Variants in CDK14 observed in about 807,000 individuals in gnomAD.
The protein encoded by CDK14 is cyclin-dependent kinase 14.
In CDK14, 34 loss-of-function variants were observed where a neutral mutation model predicts 60.7. The observed-to-expected ratio is 0.56, with a 90% CI of 0.43 to 0.75. The LOEUF is 0.75. CDK14 is among the 30% of genes least tolerant of loss of function. The probability of loss-of-function intolerance (pLI) is 0.00; values close to 1 mark genes in which losing one functional copy is unlikely to be tolerated. For missense variants in CDK14, 482 were observed against 564.1 expected (o/e 0.85, Z 1.47); for synonymous variants, 197 against 203.7 (o/e 0.97, Z 0.28).
At chr7:90,761,218 C>G (rs1804298846) in intron 4 of CDK14, among the ~76,000 whole-genome samples, 1 of 152,098 alleles carries the variant, frequency 6.6e-6, no homozygotes, top group African/African-American at 2.4e-5. Context: ...TTATCAGGTT[C>G]TTTGATCATT....
chr7:90,907,028 A>G (rs758608614), intron 7 of CDK14, among the ~76,000 whole-genome samples: 3 of 152,102 alleles, frequency 2.0e-5, no homozygotes, highest in Non-Finnish European at 2.9e-5. Flanking sequence ...GTTTATTTCT[A>G]GCATAATATC....
chr7:90,712,028 T>C (rs1309128676), intron 2 of CDK14, among the ~76,000 whole-genome samples: 1 of 151,900 alleles, frequency 6.6e-6, no homozygotes, highest in African/African-American at 2.4e-5. Flanking sequence ...GCAGCTACAG[T>C]CTACTTTTAA....
chr7:91,141,799 TTTGTTGTTGTTG>T (rs10654091), intron 14 of CDK14, among the ~76,000 whole-genome samples: 2 of 149,974 alleles, frequency 1.3e-5, no homozygotes, highest in African/African-American at 2.5e-5. Context: ...AACAGTGGGT[TTTGTTGTTGTTG>T]TTGTTGTTGT....
At chr7:90,886,091 A>G (rs1006452061) in intron 6 of CDK14, among the ~76,000 whole-genome samples, 1 of 152,208 alleles carries the variant, frequency 6.6e-6, no homozygotes, top group Non-Finnish European at 1.5e-5. Context: ...AATTCCATCA[A>G]TGATTATTTT....
chr7:90,888,745 G>T (rs1792028705), intron 6 of CDK14, among the ~76,000 whole-genome samples: 1 of 152,040 alleles, frequency 6.6e-6, no homozygotes, highest in South Asian at 2.1e-4. Flanking sequence ...GGCCCACTTT[G>T]TCAGCCTGTT....
At chr7:90,791,034 T>G (rs1300750247) in intron 5 of CDK14, among the ~76,000 whole-genome samples, 2 of 152,240 alleles carry the variant, frequency 1.3e-5, no homozygotes, top group African/African-American at 4.8e-5. Context: ...GCCATCTTAC[T>G]AGGCATTTGA....
intron 11 of CDK14, among the ~76,000 whole-genome samples, chr7:91,059,406 C>G (rs978510403): frequency 3.3e-5 from 5 of 152,254 alleles, no homozygotes; most frequent in South Asian, 2.1e-4. Flanking sequence ...CTATTTCCTT[C>G]AGTTCTGCTC....
chr7:91,022,764 G>A (rs958841888), intron 10 of CDK14, among the ~76,000 whole-genome samples: 1 of 151,964 alleles, frequency 6.6e-6, no homozygotes, highest in Non-Finnish European at 1.5e-5. Flanking sequence ...TGTTCAAGAT[G>A]ACAAGAAAAT....
intron 6 of CDK14, among the ~76,000 whole-genome samples, chr7:90,868,156 T>C (rs1022776987): frequency 1.3e-5 from 2 of 151,854 alleles, no homozygotes; most frequent in Admixed American, 1.3e-4. Context: ...TATTTATATA[T>C]ATGCATTCAC....
chr7:90,905,979 C>T (rs945802041), intron 7 of CDK14, among the ~76,000 whole-genome samples: 3 of 152,118 alleles, frequency 2.0e-5, no homozygotes, highest in Non-Finnish European at 4.4e-5. Context: ...GTTTTCCTCA[C>T]TGTTTGCTGA....
intron 14 of CDK14, among the ~76,000 whole-genome samples, chr7:91,190,585 G>C (rs1382986560): frequency 6.6e-6 from 1 of 152,174 alleles, no homozygotes; most frequent in African/African-American, 2.4e-5. Flanking sequence ...TGTGTCTCAG[G>C]TTCAAGCGAT....
chr7:90,952,964 A>G (rs1441313887), intron 8 of CDK14, among the ~76,000 whole-genome samples: 1 of 152,116 alleles, frequency 6.6e-6, no homozygotes, highest in Non-Finnish European at 1.5e-5. Flanking sequence ...AGTTATATAT[A>G]TTTATACTTC....
chr7:90,639,930 G>A (rs1395368060), intron 2 of CDK14, among the ~76,000 whole-genome samples: 2 of 152,086 alleles, frequency 1.3e-5, no homozygotes, highest in African/African-American at 2.4e-5. Flanking sequence ...AGCCAGGTGC[G>A]GGATATAGTC....
At chr7:91,206,666 A>G (rs1003233071) in intron 14 of CDK14, among the ~76,000 whole-genome samples, 1 of 152,228 alleles carries the variant, frequency 6.6e-6, no homozygotes, top group Non-Finnish European at 1.5e-5. Flanking sequence ...ACACTGGCCA[A>G]TTTTCATTCT....
chr7:90,833,670 G>GCA (rs1789991951), intron 5 of CDK14, among the ~76,000 whole-genome samples: 6 of 152,166 alleles, frequency 3.9e-5, no homozygotes, highest in Admixed American at 1.3e-4. Flanking sequence ...GCACCAGATA[G>GCA]TCTGACTAGT....
At chr7:91,177,641 T>G (rs1350000140) in intron 14 of CDK14, among the ~76,000 whole-genome samples, 1 of 151,446 alleles carries the variant, frequency 6.6e-6, no homozygotes, top group African/African-American at 2.4e-5. Context: ...CGTACAAAAA[T>G]CACAAGCATT....
At chr7:91,032,196 G>A (rs1796781721) in intron 10 of CDK14, among the ~76,000 whole-genome samples, 2 of 152,186 alleles carry the variant, frequency 1.3e-5, no homozygotes, top group Non-Finnish European at 2.9e-5. Context: ...AATAATAGGT[G>A]TAAAATTGCA....
At chr7:90,892,233 T>C (rs1562815995) in intron 6 of CDK14, among the ~76,000 whole-genome samples, 1 of 150,646 alleles carries the variant, frequency 6.6e-6, no homozygotes, top group African/African-American at 2.4e-5. Flanking sequence ...AGTGTTGTTT[T>C]CTAGCTTGTT....
intron 4 of CDK14, among the ~76,000 whole-genome samples, chr7:90,765,268 A>C (rs900358290): frequency 6.6e-6 from 1 of 152,138 alleles, no homozygotes; most frequent in Non-Finnish European, 1.5e-5. Flanking sequence ...TTTTTTTACT[A>C]CTTGTTCTTG....
Sources: gnomAD v4.1 joint callset for allele counts (sites outside exome capture counted in the v4.1 genomes callset) on GRCh38, gnomAD v4.1.1 for gene constraint, MANE v1.5 for transcripts, NCBI Gene and HGNC (gene_info 2026-07-23, HGNC 2026-07-21) for gene names.